The following HS2ST1 variants were observed in gnomAD, a reference collection of about 807,000 sequenced individuals.
HS2ST1 encodes heparan sulfate 2-O-sulfotransferase 1.
A neutral mutation model predicts 42.9 loss-of-function variants in HS2ST1; 18 were observed. The observed-to-expected ratio is 0.42, with a 90% CI of 0.29 to 0.62. The LOEUF is 0.62. HS2ST1 is among the 20% of genes least tolerant of loss of function. The pLI, the probability that HS2ST1 is intolerant of heterozygous loss-of-function variation, is 0.21. For missense variants in HS2ST1, 334 were observed against 433.8 expected, an observed-to-expected ratio of 0.77 and a Z score of 2.04; for synonymous variants, 146 against 152.9, an observed-to-expected ratio of 0.95 and a Z score of 0.33.
rs747290455 is a variant in HS2ST1, at chr1:87,072,921, T to C, written c.125-13T>C. On this transcript the variant is annotated splice_polypyrimidine_tract_variant and intron_variant, in intron 1 of 6. Coordinates refer to ENST00000370550, the MANE Select transcript of HS2ST1 (RefSeq NM_012262.4). ...TCCTTAAAAACTTAGTTCGTATCTG[T>C]TTTTCTTTCCAGAAAGGGCTATTGC... The C allele has an allele frequency of 6.3e-7, 1 of 1,598,754 alleles. No individual in the cohort carries two copies. Among genetic ancestry groups the C allele is most frequent in the East Asian group, 2.2e-5 (1 of 44,752 alleles).
rs902427653 is a variant in HS2ST1, at chr1:87,010,061, A to G, written c.125-62873A>G. ...AAAACAAAACAAAACAAAACAAAAA[A>G]AAAAACAAAAACAAACTTCTGCTAG... On this transcript the variant is annotated intron_variant, in intron 1 of 6. Transcript: ENST00000370550. Among the ~76,000 whole-genome samples, 3 of 152,020 alleles carry G rather than the reference A, an allele frequency of 2.0e-5. No individual in the cohort carries two copies. The South Asian group carries it at 6.2e-4, about 32-fold the overall frequency.
At chr1:86,994,007 T>G (rs1649028442) in intron 1 of HS2ST1, among the ~76,000 whole-genome samples, 1 of 152,164 alleles carries the variant, frequency 6.6e-6, no homozygotes, top group African/African-American at 2.4e-5. Flanking sequence ...TAACTTAAAC[T>G]AAAATCCCCA....
At chr1:87,046,531 AGATG>A (rs1254050530) in intron 1 of HS2ST1, 1 of 1,538,126 alleles carries the variant, frequency 6.5e-7, no homozygotes, top group Non-Finnish European at 9.0e-7. Flanking sequence ...AGCTTTTTAA[AGATG>A]ACATCAGGTA....
At chr1:86,933,814 T>C (rs1346496861) in intron 1 of HS2ST1, among the ~76,000 whole-genome samples, 1 of 151,464 alleles carries the variant, frequency 6.6e-6, no homozygotes, top group Non-Finnish European at 1.5e-5. Flanking sequence ...GGAGTTAGGC[T>C]GTGTTTACTG....
chr1:87,021,558 A>C (rs910120986), intron 1 of HS2ST1, among the ~76,000 whole-genome samples: 1 of 152,326 alleles, frequency 6.6e-6, no homozygotes, highest in African/African-American at 2.4e-5. Context: ...TCTGTCATCC[A>C]GGGTGGAGTA....
chr1:87,067,925 G>A (rs1482568393), intron 1 of HS2ST1, among the ~76,000 whole-genome samples: 5 of 152,084 alleles, frequency 3.3e-5, no homozygotes, highest in Admixed American at 2.0e-4. Flanking sequence ...CCATTGGTCT[G>A]TATTTATGTT....
intron 1 of HS2ST1, among the ~76,000 whole-genome samples, chr1:86,932,667 T>C: frequency 6.6e-6 from 1 of 152,132 alleles, no homozygotes; most frequent in Non-Finnish European, 1.5e-5. Context: ...GCAAGCAGGA[T>C]AGTCACTAAA....
intron 1 of HS2ST1, among the ~76,000 whole-genome samples, chr1:86,936,329 C>G (rs1660652859): frequency 6.6e-6 from 1 of 152,010 alleles, no homozygotes; most frequent in South Asian, 2.1e-4. Flanking sequence ...TATAACATGT[C>G]ATTGCATTGG....
intron 1 of HS2ST1, among the ~76,000 whole-genome samples, chr1:87,017,581 G>A (rs1300527193): frequency 6.6e-6 from 1 of 152,184 alleles, no homozygotes. Context: ...AGAGAAGACA[G>A]CGGGCACAGT....
intron 1 of HS2ST1, among the ~76,000 whole-genome samples, chr1:86,933,258 T>C (rs1660578034): frequency 6.6e-6 from 1 of 152,194 alleles, no homozygotes; most frequent in Admixed American, 6.5e-5. Context: ...ATTCACATAT[T>C]TCTTCTGTTT....
intron 1 of HS2ST1, among the ~76,000 whole-genome samples, chr1:87,043,606 T>A (rs1650571577): frequency 6.6e-6 from 1 of 152,078 alleles, no homozygotes; most frequent in Non-Finnish European, 1.5e-5. Flanking sequence ...TACAGTCCTG[T>A]CTTATATTCT....
At chr1:87,013,583 A>G (rs1649664721) in intron 1 of HS2ST1, among the ~76,000 whole-genome samples, 1 of 152,228 alleles carries the variant, frequency 6.6e-6, no homozygotes, top group Non-Finnish European at 1.5e-5. Context: ...TGTCTTGGTG[A>G]TTAACATTTG....
intron 1 of HS2ST1, among the ~76,000 whole-genome samples, chr1:86,982,106 CG>C (rs751099735): frequency 1.3e-5 from 2 of 152,244 alleles, no homozygotes; most frequent in Non-Finnish European, 2.9e-5. Context: ...TCTGAAGCAA[CG>C]GCCTAAGCTG....
intron 4 of HS2ST1, among the ~76,000 whole-genome samples, chr1:87,095,973 T>A (rs1459110517): frequency 6.6e-6 from 1 of 151,730 alleles, no homozygotes; most frequent in Non-Finnish European, 1.5e-5. Flanking sequence ...TTTCTTTTTT[T>A]TTTTTTTTCA....
chr1:87,045,046 C>T (rs189148328), intron 1 of HS2ST1: 927 of 1,212,928 alleles, frequency 7.6e-4, no homozygotes, highest in Non-Finnish European at 8.9e-4. Flanking sequence ...TCTTCACTGA[C>T]GTCAGCATTC....
intron 1 of HS2ST1, among the ~76,000 whole-genome samples, chr1:86,972,483 G>A (rs1420675114): frequency 6.6e-6 from 1 of 152,072 alleles, no homozygotes; most frequent in African/African-American, 2.4e-5. Flanking sequence ...CCAAGTAGCT[G>A]GGATTACAGC....
In HS2ST1 at chr1:87,002,001, C is replaced by T. The variant is rs919068377; in HGVS notation, c.125-70933C>T. ...GATCTCGGCTCACTGCAAGATCCGC[C>T]TCCAGGGTTCACGCCATTCTCCTAC... On this transcript the variant is annotated intron_variant, in intron 1 of 6. Coordinates refer to ENST00000370550, the MANE Select transcript of HS2ST1 (RefSeq NM_012262.4). Among the ~76,000 whole-genome samples the T allele has an allele frequency of 5.9e-5, 9 of 152,006 alleles. No individual in the cohort carries two copies. In the East Asian group the frequency reaches 1.8e-3, roughly 30 times the overall value.
intron 1 of HS2ST1, among the ~76,000 whole-genome samples, chr1:86,943,085 T>A (rs1660797527): frequency 1.3e-5 from 2 of 152,292 alleles, no homozygotes; most frequent in South Asian, 4.1e-4. Context: ...AAATGTAAAA[T>A]TTAAAGGCTT....
intron 1 of HS2ST1, among the ~76,000 whole-genome samples, chr1:87,014,422 A>AC (rs1415273034): frequency 6.6e-6 from 1 of 152,102 alleles, no homozygotes; most frequent in Non-Finnish European, 1.5e-5. Context: ...TGATTCAGTT[A>AC]CCTCCCACTG....
Sources: gnomAD v4.1 joint callset for allele counts (sites outside exome capture counted in the v4.1 genomes callset) on GRCh38, gnomAD v4.1.1 for gene constraint, MANE v1.5 for transcripts, NCBI Gene and HGNC (gene_info 2026-07-23, HGNC 2026-07-21) for gene names.